HRH4: variants seen among roughly 807,000 people sequenced by gnomAD.
The protein encoded by HRH4 is histamine receptor H4, also known as histamine H4 receptor.
A neutral mutation model predicts 10.4 loss-of-function variants in HRH4; 12 were observed. That is an observed-to-expected ratio of 1.15 (90% CI 0.74 to 1.87). HRH4 has a LOEUF of 1.87. HRH4 is among the 40% of genes most tolerant of loss of function. HRH4 has a pLI of 0.00. For synonymous variants in HRH4, 154 were observed against 166.6 expected (o/e 0.92, Z 0.58); for missense variants, 415 against 453.3 (o/e 0.92, Z 0.77).
At chr18:24,466,648 C>T (rs980984928) in intron 1 of HRH4, among the ~76,000 whole-genome samples, 2 of 152,144 alleles carry the variant, frequency 1.3e-5, no homozygotes, top group Admixed American at 6.5e-5. Flanking sequence ...GAAACCATGC[C>T]ATTATAGCCT....
chr18:24,473,133 C>T (rs538488684), intron 2 of HRH4, among the ~76,000 whole-genome samples: 2 of 151,638 alleles, frequency 1.3e-5, no homozygotes, highest in Admixed American at 1.3e-4. Flanking sequence ...CCAGCCTGGG[C>T]GACAGAGCAA....
intron 1 of HRH4, among the ~76,000 whole-genome samples, chr18:24,468,264 AC>A (rs1346460594): frequency 6.6e-6 from 1 of 151,896 alleles, no homozygotes; most frequent in African/African-American, 2.4e-5. Context: ...CTAGTTACGA[AC>A]TCCTGTCCTG....
At chr18:24,474,919 T>C (rs2144382168) in intron 2 of HRH4, among the ~76,000 whole-genome samples, 1 of 152,120 alleles carries the variant, frequency 6.6e-6, no homozygotes, top group East Asian at 1.9e-4. Context: ...CTCCTGGCCT[T>C]GTGATCTGCC....
chr18:24,467,927 T>C (rs1349995335), intron 1 of HRH4, among the ~76,000 whole-genome samples: 1 of 152,100 alleles, frequency 6.6e-6, no homozygotes, highest in African/African-American at 2.4e-5. Context: ...TGTGAAAATG[T>C]GCCATGTGTT....
intron 1 of HRH4, among the ~76,000 whole-genome samples, chr18:24,467,637 G>T (rs769315653): frequency 6.6e-6 from 1 of 152,086 alleles, no homozygotes; most frequent in African/African-American, 2.4e-5. Context: ...TCCATCTCCC[G>T]GGTTCAAGCG....
At chr18:24,464,911 A>G (rs1325664795) in intron 1 of HRH4, among the ~76,000 whole-genome samples, 2 of 152,178 alleles carry the variant, frequency 1.3e-5, no homozygotes, top group African/African-American at 4.8e-5. Flanking sequence ...TGCTACTGAA[A>G]AAAATGCAGA....
At chr18:24,469,426 C>T (rs1288541711) in intron 2 of HRH4, among the ~76,000 whole-genome samples, 1 of 152,132 alleles carries the variant, frequency 6.6e-6, no homozygotes, top group Non-Finnish European at 1.5e-5. Flanking sequence ...GTGGGACCAG[C>T]CAGAAAGATC....
chr18:24,477,542 A>G lies in HRH4; in HGVS notation c.1153A>G (p.Ser385Gly). The change falls in exon 3 of 3, where the codon AGT becomes GGT. Residue 385 changes from serine to glycine, a missense_variant. By Grantham distance (56) the Ser-to-Gly change is moderately conservative. Coordinates refer to ENST00000256906, the MANE Select transcript of HRH4 (RefSeq NM_021624.4). ...AAAGCAACCTCTACCATCACAACAC[A>G]GTCGGTCAGTATCTTCTTAAAGACA... The part of the protein sequence containing the change: ...IKKQPLPSQH[S>G]RSVSS 6.3e-7 allele frequency: 1 copy of G among 1,581,536 alleles called. No homozygotes were observed. Among genetic ancestry groups the G allele is most frequent in the Non-Finnish European group, 8.6e-7 (1 of 1,165,848 alleles).
intron 2 of HRH4, among the ~76,000 whole-genome samples, chr18:24,472,572 G>A (rs1454312059): frequency 1.3e-5 from 2 of 152,272 alleles, no homozygotes; most frequent in East Asian, 3.9e-4. Flanking sequence ...GAAAACAGAA[G>A]GAAGCCTTCA....
chr18:24,476,318 C>T (rs1226992477), intron 2 of HRH4, among the ~76,000 whole-genome samples: 1 of 152,192 alleles, frequency 6.6e-6, no homozygotes, highest in Non-Finnish European at 1.5e-5. Flanking sequence ...AGAACACCTA[C>T]CCTCACTATA....
intron 1 of HRH4, among the ~76,000 whole-genome samples, chr18:24,463,176 T>C (rs1909685543): frequency 6.6e-6 from 1 of 152,204 alleles, no homozygotes; most frequent in Non-Finnish European, 1.5e-5. Context: ...CTTGAGCTTG[T>C]CTTTGGAAAA....
intron 1 of HRH4, among the ~76,000 whole-genome samples, chr18:24,465,790 G>A (rs1175068845): frequency 6.6e-6 from 1 of 152,126 alleles, no homozygotes; most frequent in Non-Finnish European, 1.5e-5. Context: ...ATATCCTAGA[G>A]CCTGTCTTCA....
At chr18:24,462,258 A>C (rs1909664319) in intron 1 of HRH4, among the ~76,000 whole-genome samples, 1 of 152,220 alleles carries the variant, frequency 6.6e-6, no homozygotes, top group Non-Finnish European at 1.5e-5. Context: ...TGAAATCTAT[A>C]AAGTGAGGGC....
chr18:24,472,432 G>A lies in HRH4; in HGVS notation c.357+3481G>A, dbSNP rs901630479. Among the ~76,000 whole-genome samples, 16 of 152,170 alleles carry A rather than the reference G, an allele frequency of 1.1e-4. 1 individual carries two copies. The highest frequency in any genetic ancestry group is 1.0e-3 in the Admixed American group (16 of 15,274). On this transcript the variant is annotated intron_variant, in intron 2 of 2. Coordinates refer to ENST00000256906, the MANE Select transcript of HRH4 (RefSeq NM_021624.4). ...AACTTGGTGAGGGATGGGTTGGCTA[G>A]ATCCTGGGTCCCCAGTGCACAGCAC...
At position 24,476,812 on chromosome 18, in the gene HRH4, G is replaced by T. The variant is rs1019854440; in HGVS notation, c.423G>T (p.Val141=). 6 of 1,614,066 alleles carry T rather than the reference G, an allele frequency of 3.7e-6. No individual in the cohort carries two copies. The African/African-American group carries it at 8.0e-5, about 22-fold the overall frequency. Residue 141 remains valine, a synonymous_variant, in exon 3 of 3, where the codon GTG becomes GTT. Transcript: ENST00000256906. ...KIVTLMVAVW[V]LAFLVNGPMI... ...TTACTCTGATGGTGGCCGTTTGGGT[G>T]CTGGCCTTCTTAGTGAATGGGCCAA...
chr18:24,464,383 G>A (rs994886325), intron 1 of HRH4, among the ~76,000 whole-genome samples: 3 of 152,082 alleles, frequency 2.0e-5, no homozygotes, highest in Non-Finnish European at 4.4e-5. Context: ...TATTGGATCA[G>A]GGCCCCACTC....
At position 24,477,343 on chromosome 18, in the gene HRH4, A is replaced by T. The variant is rs766387689; in HGVS notation, c.954A>T (p.Pro318=). The part of the protein sequence containing the change: ...LLGVFAVCWA[P]YSLFTIVLSF... ...GGGTTTTTGCTGTTTGCTGGGCTCC[A>T]TATTCTCTGTTCACAATTGTCCTTT... The change falls in exon 3 of 3, where the codon CCA becomes CCT. Residue 318 remains proline (P), a synonymous_variant. Transcript: ENST00000256906. 11 of 1,614,096 alleles carry T rather than the reference A, an allele frequency of 6.8e-6. No individual in the cohort carries two copies. Among genetic ancestry groups the T allele is most frequent in the Middle Eastern group, 1.6e-4 (1 of 6,062 alleles).
intron 2 of HRH4, among the ~76,000 whole-genome samples, chr18:24,474,996 A>G (rs1046036313): frequency 5.9e-5 from 9 of 151,998 alleles, no homozygotes; most frequent in Non-Finnish European, 8.8e-5. Flanking sequence ...AACCTTACTG[A>G]TTTAAATGAG....
chr18:24,468,836 AT>A lies in HRH4; in HGVS notation c.246del (p.Phe82LeufsTer49). On this transcript the variant is annotated frameshift_variant, in exon 2 of 3. Coordinates refer to ENST00000256906, the MANE Select transcript of HRH4 (RefSeq NM_021624.4). LOFTEE classifies it high-confidence loss of function. ...ATCCCTCACACGCTGTTCGAATGGG[AT>A]TTTGGAAAGGAAATCTGTGTATTTT... ...LYIPHTLFEW[D>X]FGKEICVFWL... The A allele has an allele frequency of 6.2e-7, 1 of 1,613,956 alleles. No homozygotes were observed. The highest frequency in any genetic ancestry group is 8.5e-7 in the Non-Finnish European group (1 of 1,179,944).
Sources: gnomAD v4.1 joint callset for allele counts (sites outside exome capture counted in the v4.1 genomes callset) on GRCh38, gnomAD v4.1.1 for gene constraint, MANE v1.5 for transcripts, NCBI Gene and HGNC (gene_info 2026-07-23, HGNC 2026-07-21) for gene names.